The following GALNT16 variants were observed in gnomAD, a reference collection of about 807,000 sequenced individuals.
The protein encoded by GALNT16 is UDP-GalNAc:polypeptide N-acetylgalactosaminyltransferase-like protein 1.
GALNT16 carries 40 observed loss-of-function variants against 76.1 expected under a neutral mutation model. The ratio of observed to expected loss-of-function variants is 0.53; its 90% CI spans 0.41 to 0.68. The LOEUF (loss-of-function observed/expected upper bound fraction) is 0.68, where lower values mean the gene tolerates loss of function less well. Among genes scored for constraint, GALNT16 ranks in the 30% least tolerant of loss-of-function variants. The pLI is 0.00. For synonymous variants in GALNT16, 276 were observed against 285.2 expected, an observed-to-expected ratio of 0.97 and a Z score of 0.32; for missense variants, 621 against 731.9, an observed-to-expected ratio of 0.85 and a Z score of 1.75.
intron 1 of GALNT16, among the ~76,000 whole-genome samples, chr14:69,276,011 G>A (rs2044466414): frequency 6.6e-6 from 1 of 152,210 alleles, no homozygotes; most frequent in Non-Finnish European, 1.5e-5. Flanking sequence ...GAATGAGGAG[G>A]AAGCAAAAGT....
chr14:69,350,049 T>A (rs1230171879), intron 14 of GALNT16: 3 of 152,124 alleles, frequency 2.0e-5, no homozygotes, highest in Admixed American at 2.0e-4. Flanking sequence ...CCGTCTCTAC[T>A]AAAAACACAA....
intron 2 of GALNT16, among the ~76,000 whole-genome samples, chr14:69,321,848 GACTC>G (rs1309393186): frequency 1.5e-4 from 23 of 152,242 alleles, no homozygotes; most frequent in African/African-American, 5.1e-4. Flanking sequence ...TGTTGGAGCT[GACTC>G]ACGGCTGTGC....
chr14:69,311,224 T>C (rs916800690), intron 1 of GALNT16, among the ~76,000 whole-genome samples: 1 of 152,212 alleles, frequency 6.6e-6, no homozygotes, highest in African/African-American at 2.4e-5. Context: ...TCCAAGATGG[T>C]ACCTTGTTGC....
intron 1 of GALNT16, among the ~76,000 whole-genome samples, chr14:69,317,846 G>A (rs1225466550): frequency 1.3e-5 from 2 of 152,220 alleles, no homozygotes; most frequent in African/African-American, 4.8e-5. Flanking sequence ...AAAGGCAAAA[G>A]GAGGAGTTCA....
At chr14:69,338,886 G>A in intron 10 of GALNT16, 109 bp downstream of exon 10, 1 of 862,174 alleles carries the variant, frequency 1.2e-6, no homozygotes, top group Non-Finnish European at 1.8e-6. Flanking sequence ...TCACTTCTTG[G>A]GCCTCAGTTT....
chr14:69,299,916 G>T (rs1202855806), intron 1 of GALNT16, among the ~76,000 whole-genome samples: 1 of 152,178 alleles, frequency 6.6e-6, no homozygotes. Flanking sequence ...AGGTGTCCGT[G>T]TTACAGGGTC....
At chr14:69,361,845 A>G (rs565635795), downstream of GALNT16, among the ~76,000 whole-genome samples, 3 of 152,184 alleles carry the variant, frequency 2.0e-5, no homozygotes, top group Non-Finnish European at 4.4e-5. Flanking sequence ...CGTCTCTACT[A>G]AAAAAACAAT....
intron 1 of GALNT16, among the ~76,000 whole-genome samples, chr14:69,287,437 G>A (rs2044628308): frequency 6.6e-6 from 1 of 152,142 alleles, no homozygotes; most frequent in East Asian, 1.9e-4. Context: ...CTGACGTTTG[G>A]GTAATCTTTC....
In GALNT16 at chr14:69,352,274, G is replaced by C. The variant is rs2045647942; in HGVS notation, c.*106G>C. 2 of 1,033,202 alleles carry C rather than the reference G, an allele frequency of 1.9e-6. No homozygotes were observed. Among genetic ancestry groups the C allele is most frequent in the South Asian group, 1.7e-5 (1 of 59,606 alleles). 64.0% of individuals were successfully genotyped at this position (1,033,202 alleles called of 1,614,324 possible). A position where few individuals can be genotyped will look rare whatever the true frequency, so the allele number is the denominator to read the frequency against. On this transcript the variant is annotated 3_prime_UTR_variant, in exon 15 of 15. Transcript: ENST00000448469. The stretch of plus-strand genomic sequence containing the variant: ...GCTGTTCCCATCTCCTCACATTTCT[G>C]CCAGGACCATCAGCAAATACCCACC...
chr14:69,270,060 T>C lies in GALNT16; in HGVS notation c.177+9593T>C, dbSNP rs368297463. On this transcript the variant is annotated intron_variant, in intron 1 of 14. Coordinates refer to ENST00000448469, the MANE Select transcript of GALNT16 (RefSeq NM_001168368.2). Reference sequence around the variant, plus strand: ...TTGTCTGGTTCGTGGTGTTCTCTTCTGGTACAGTTGGGACTCTGGAAATTG... The same window carrying C: ...TTGTCTGGTTCGTGGTGTTCTCTTCCGGTACAGTTGGGACTCTGGAAATTG... Among the ~76,000 whole-genome samples, 6 of 152,038 alleles carry C rather than the reference T, an allele frequency of 3.9e-5. No individual in the cohort carries two copies. The East Asian group carries it at 1.2e-3, about 29-fold the overall frequency.
intron 2 of GALNT16, among the ~76,000 whole-genome samples, chr14:69,323,047 A>G (rs1288350938): frequency 6.7e-6 from 1 of 149,126 alleles, no homozygotes; most frequent in Non-Finnish European, 1.5e-5. Flanking sequence ...TTTAGTGGGC[A>G]GGCCTCCTGC....
At chr14:69,339,197 G>A (rs889654282) in intron 10 of GALNT16, among the ~76,000 whole-genome samples, 2 of 152,160 alleles carry the variant, frequency 1.3e-5, no homozygotes, top group African/African-American at 4.8e-5. Context: ...CCACTCCACG[G>A]TCTGCTCTCC....
At chr14:69,334,094 G>A (rs1000558924) in intron 9 of GALNT16, among the ~76,000 whole-genome samples, 2 of 152,252 alleles carry the variant, frequency 1.3e-5, no homozygotes, top group East Asian at 3.8e-4. Context: ...TCCTCAAGAG[G>A]TTGTTATGAG....
At chr14:69,378,788 G>C in the GALNT16 span, among the ~76,000 whole-genome samples, 2 of 152,002 alleles carry the variant, frequency 1.3e-5, no homozygotes, top group Non-Finnish European at 2.9e-5. Flanking sequence ...CTGCTCTAGA[G>C]TATTTAAAAA....
chr14:69,276,936 C>T (rs1312381264), intron 1 of GALNT16, among the ~76,000 whole-genome samples: 5 of 152,112 alleles, frequency 3.3e-5, no homozygotes, highest in South Asian at 2.1e-4. Context: ...AAGCCTGTCA[C>T]GCACGTGGCA....
At chr14:69,336,361 C>T (rs1012141296) in intron 9 of GALNT16, among the ~76,000 whole-genome samples, 2 of 152,228 alleles carry the variant, frequency 1.3e-5, no homozygotes, top group African/African-American at 4.8e-5. Context: ...ATCCACCCGC[C>T]TCAGCCTCCC....
intron 2 of GALNT16, among the ~76,000 whole-genome samples, chr14:69,322,018 T>C (rs1241494505): frequency 6.6e-6 from 1 of 152,234 alleles, no homozygotes; most frequent in Non-Finnish European, 1.5e-5. Context: ...GGCCTGGTTC[T>C]AGCACCTTCC....
chr14:69,260,270 T>G lies in GALNT16; in HGVS notation c.-21T>G. The G allele has an allele frequency of 6.2e-7, 1 of 1,608,658 alleles. No homozygotes were observed. Among genetic ancestry groups the G allele is most frequent in the South Asian group, 1.1e-5 (1 of 90,834 alleles). ...GAGCACGCCGGCCCAGTCCCCCACC[T>G]GGGGCGCCCGTCTGCCCACCATGAG... On this transcript the variant is annotated 5_prime_UTR_variant, in exon 1 of 15. Transcript: ENST00000448469.
intron 1 of GALNT16, among the ~76,000 whole-genome samples, chr14:69,268,540 G>A (rs1204293609): frequency 2.6e-5 from 4 of 152,144 alleles, no homozygotes; most frequent in African/African-American, 4.8e-5. Context: ...CACAGGGTCC[G>A]AATGCTGAAG....
Sources: allele counts gnomAD v4.1 joint callset (sites outside exome capture counted in the v4.1 genomes callset), GRCh38; gene constraint gnomAD v4.1.1; transcripts MANE v1.5; gene names NCBI Gene and HGNC (gene_info 2026-07-23, HGNC 2026-07-21).